The following CHI3L2 variants were observed in gnomAD, a reference collection of about 807,000 sequenced individuals.
CHI3L2 encodes the protein chitinase 3 like 2, also known as chitinase-3-like protein 2.
In CHI3L2, 47 loss-of-function variants were observed where a neutral mutation model predicts 47.3. That is an observed-to-expected ratio of 0.99 (90% CI 0.79 to 1.27). CHI3L2 has a LOEUF of 1.27. CHI3L2 is among the 50% of genes most tolerant of loss of function. The pLI, the probability that CHI3L2 is intolerant of heterozygous loss-of-function variation, is 0.00. For synonymous variants in CHI3L2, 198 were observed against 169.9 expected (o/e 1.17, Z -1.28); for missense variants, 497 against 462.1 (o/e 1.08, Z -0.69).
intron 8 of CHI3L2, chr1:111,239,250 C>T: frequency 4.0e-6 from 1 of 248,066 alleles, no homozygotes; most frequent in Non-Finnish European, 7.6e-6. Context: ...ATGGCAATGC[C>T]ATTTACAGAG....
chr1:111,242,785 C>G (rs1175471525), intron 10 of CHI3L2, among the ~76,000 whole-genome samples: 1 of 152,136 alleles, frequency 6.6e-6, no homozygotes, highest in Non-Finnish European at 1.5e-5. Context: ...TCTTTTCCCC[C>G]ACCCACAGTT....
intron 5 of CHI3L2, 98 bp downstream of exon 5, chr1:111,235,155 A>G: frequency 7.7e-7 from 1 of 1,291,180 alleles, no homozygotes; most frequent in Non-Finnish European, 1.1e-6. Flanking sequence ...GACAAAAAGG[A>G]GGAGATTGAG....
At chr1:111,232,349 G>GCATTCATTCATT (rs35575573) in intron 4 of CHI3L2, among the ~76,000 whole-genome samples, 6 of 151,568 alleles carry the variant, frequency 4.0e-5, no homozygotes, top group Admixed American at 6.6e-5. Context: ...ATTCATTCTT[G>GCATTCATTCATT]CATTCATTCA....
chr1:111,229,821 A>G, intron 1 of CHI3L2, 31 bp from the exon 2 acceptor site: 1 of 1,613,346 alleles, frequency 6.2e-7, no homozygotes, highest in South Asian at 1.1e-5. Context: ...GTTTGGCTCA[A>G]CAGATTTCTC....
At position 111,231,903 on chromosome 1, in the gene CHI3L2, A is replaced by C. The variant is rs368509250; in HGVS notation, c.329+609A>C. On this transcript the variant is annotated intron_variant, in intron 4 of 10. Coordinates refer to ENST00000369748, the MANE Select transcript of CHI3L2 (RefSeq NM_004000.3). ...TGATATCCCATTTACATCAAGAGCTAAATGAAAATACATAAGGATAAATAT... is the reference window on the plus strand; with the variant it reads ...TGATATCCCATTTACATCAAGAGCTCAATGAAAATACATAAGGATAAATAT... Among the ~76,000 whole-genome samples the C allele has an allele frequency of 1.0e-4, 16 of 152,386 alleles. No individual in the cohort carries two copies. The South Asian group carries it at 3.3e-3, about 32-fold the overall frequency.
intron 5 of CHI3L2, among the ~76,000 whole-genome samples, 173 bp from the exon 6 acceptor site, chr1:111,235,466 T>C (rs1000289785): frequency 2.0e-5 from 3 of 152,198 alleles, no homozygotes; most frequent in Admixed American, 2.0e-4. Context: ...CTGCCTAATG[T>C]GGAGACTTCC....
chr1:111,229,755 C>CTTGT, intron 1 of CHI3L2, 97 bp from the exon 2 acceptor site: 1 of 1,483,178 alleles, frequency 6.7e-7, no homozygotes, highest in South Asian at 1.1e-5. Flanking sequence ...GTGGCTCTAT[C>CTTGT]TTGTATGTGA....
intron 5 of CHI3L2, among the ~76,000 whole-genome samples, chr1:111,235,331 G>C (rs115283194): frequency 1.5e-3 from 222 of 152,324 alleles, no homozygotes; most frequent in Non-Finnish European, 2.4e-3. Context: ...ATATGAAAGA[G>C]GGTGTAGCCA....
At chr1:111,242,049 C>T (rs942923903) in intron 9 of CHI3L2, among the ~76,000 whole-genome samples, 178 bp from the exon 10 acceptor site, 3 of 152,192 alleles carry the variant, frequency 2.0e-5, no homozygotes, top group Non-Finnish European at 2.9e-5. Context: ...GTAGCTAATG[C>T]TGATTTGGTG....
chr1:111,240,630 C>G (rs1360411678), intron 8 of CHI3L2, among the ~76,000 whole-genome samples: 1 of 152,180 alleles, frequency 6.6e-6, no homozygotes, highest in Non-Finnish European at 1.5e-5. Flanking sequence ...TCATTTTCTG[C>G]CCTCATTGTA....
chr1:111,233,917 T>G lies in CHI3L2; in HGVS notation c.330-990T>G, dbSNP rs557798546. ...CCCCAACCCTGTGCTCTCTGAAACATGTGCTGTGTCCACTCAGGGTTAAAT... is the reference window on the plus strand; with the variant it reads ...CCCCAACCCTGTGCTCTCTGAAACAGGTGCTGTGTCCACTCAGGGTTAAAT... On this transcript the variant is annotated intron_variant, in intron 4 of 10. Transcript: ENST00000369748. 2.0e-3 allele frequency among the ~76,000 whole-genome samples: 301 copies of G among 152,204 alleles called. 1 individual carries two copies. Among genetic ancestry groups the G allele is most frequent in the African/African-American group, 6.9e-3 (285 of 41,534 alleles).
At chr1:111,238,395 T>A (rs1268286355) in intron 7 of CHI3L2, among the ~76,000 whole-genome samples, 24 of 152,244 alleles carry the variant, frequency 1.6e-4, no homozygotes, top group Admixed American at 1.6e-3. Flanking sequence ...TTTGTCAGTA[T>A]TCACAAAGAG....
At chr1:111,240,730 C>G (rs1422122727) in intron 8 of CHI3L2, among the ~76,000 whole-genome samples, 1 of 152,060 alleles carries the variant, frequency 6.6e-6, no homozygotes, top group African/African-American at 2.4e-5. Flanking sequence ...GAAGATTTAT[C>G]TTTTTTAGAG....
chr1:111,230,464 AGCT>A (rs1659682482), intron 2 of CHI3L2, among the ~76,000 whole-genome samples: 1 of 152,008 alleles, frequency 6.6e-6, no homozygotes, highest in Non-Finnish European at 1.5e-5. Context: ...ATGTTGCCAG[AGCT>A]GGTCTTGAAC....
intron 10 of CHI3L2, 51 bp downstream of exon 10, chr1:111,242,417 G>A (rs1319917175): frequency 1.3e-6 from 2 of 1,524,246 alleles, no homozygotes; most frequent in Admixed American, 2.1e-5. Context: ...GGCAGAACAG[G>A]GCACAGGAGA....
At chr1:111,240,566 G>T (rs574333905) in intron 8 of CHI3L2, among the ~76,000 whole-genome samples, 1 of 152,156 alleles carries the variant, frequency 6.6e-6, no homozygotes, top group Non-Finnish European at 1.5e-5. Flanking sequence ...AGTTCATAAT[G>T]ACTCTAGGTC....
At chr1:111,241,101 G>T (rs1660039651) in intron 8 of CHI3L2, among the ~76,000 whole-genome samples, 2 of 152,312 alleles carry the variant, frequency 1.3e-5, no homozygotes, top group Middle Eastern at 3.4e-3. Flanking sequence ...ATTTCTAGCT[G>T]CTGTGTCTCC....
chr1:111,230,687 TG>T, intron 2 of CHI3L2, 54 bp from the exon 3 acceptor site: 1 of 1,449,936 alleles, frequency 6.9e-7, no homozygotes, highest in Non-Finnish European at 9.7e-7. Flanking sequence ...TGTGACTTTC[TG>T]GACTCTAAGG....
intron 7 of CHI3L2, among the ~76,000 whole-genome samples, chr1:111,236,654 TA>T (rs60523421): frequency 0.87 from 130,530 of 149,846 alleles, 56,979 homozygotes; most frequent in Middle Eastern, 0.96. Flanking sequence ...AAATGAAAAG[TA>T]AAAAAAAAAA....
Sources: allele counts gnomAD v4.1 joint callset (sites outside exome capture counted in the v4.1 genomes callset), GRCh38; gene constraint gnomAD v4.1.1; transcripts MANE v1.5; gene names NCBI Gene and HGNC (gene_info 2026-07-23, HGNC 2026-07-21).